ATP11A: variants seen among roughly 807,000 people sequenced by gnomAD.
ATP11A encodes the protein phospholipid-transporting ATPase IH.
A neutral mutation model predicts 154.4 loss-of-function variants in ATP11A; 81 were observed. That is an observed-to-expected ratio of 0.52 (90% CI 0.44 to 0.63). The LOEUF is 0.63. Ranked by LOEUF, ATP11A falls within the 30% of genes least tolerant of loss-of-function variation. The probability of loss-of-function intolerance (pLI) is 0.00; values close to 1 mark genes in which losing one functional copy is unlikely to be tolerated. For synonymous variants in ATP11A, 623 were observed against 585.9 expected (o/e 1.06, Z -0.91); for missense variants, 1,316 against 1,474.3 (o/e 0.89, Z 1.76).
chr13:112,862,194 C>T (rs2080129108), intron 24 of ATP11A, among the ~76,000 whole-genome samples: 1 of 152,196 alleles, frequency 6.6e-6, no homozygotes, highest in Non-Finnish European at 1.5e-5. Context: ...GTGCCTATGA[C>T]GATATTGCAG....
At chr13:112,717,002 CA>C (rs1232282716) in intron 1 of ATP11A, among the ~76,000 whole-genome samples, 4 of 152,194 alleles carry the variant, frequency 2.6e-5, no homozygotes, top group African/African-American at 7.2e-5. Context: ...CACTGGCCTG[CA>C]GGGCCCATAG....
At chr13:112,768,322 G>A (rs377706304) in intron 1 of ATP11A, among the ~76,000 whole-genome samples, 173 of 152,322 alleles carry the variant, frequency 1.1e-3, no homozygotes, top group Middle Eastern at 6.8e-3. Flanking sequence ...AGTTGGCGTC[G>A]GCCACTGGCT....
At chr13:112,836,459 G>A (rs2079237536) in intron 16 of ATP11A, among the ~76,000 whole-genome samples, 1 of 152,132 alleles carries the variant, frequency 6.6e-6, no homozygotes, top group Non-Finnish European at 1.5e-5. Context: ...GGAGTCCTGG[G>A]CTAAACATCC....
chr13:112,690,451 G>T lies in ATP11A; in HGVS notation c.35G>T (p.Arg12Ile). The change falls in exon 1 of 30, where the codon AGA becomes ATA. Residue 12 changes from arginine (R) to isoleucine (I), a missense_variant. Transcript: ENST00000375645. The surrounding 1 kb of genome is among the most constrained non-coding windows in gnomAD (Gnocchi z 5.6). ...DCSLVRTLVH[R>I]YCAGEENWVD... ...AGCCTCGTGCGGACGCTCGTGCACA[G>T]ATACGTGAGTGCTCCCGGCGCGGGC... The T allele has an allele frequency of 7.4e-7, 1 of 1,355,326 alleles. No homozygotes were observed. 84.0% of individuals were successfully genotyped at this position (1,355,326 alleles called of 1,614,324 possible).
chr13:112,857,447 G>A (rs2079962159), intron 20 of ATP11A, among the ~76,000 whole-genome samples: 1 of 152,140 alleles, frequency 6.6e-6, no homozygotes, highest in Admixed American at 6.5e-5. Context: ...ATTTGCCCCT[G>A]TATATTTAAA....
intron 1 of ATP11A, among the ~76,000 whole-genome samples, chr13:112,755,691 C>T (rs2076806775): frequency 6.7e-6 from 1 of 150,124 alleles, no homozygotes; most frequent in Admixed American, 6.6e-5. Flanking sequence ...GAACCATTTC[C>T]GGTCACGGAA....
At chr13:112,709,391 G>A (rs567328502) in intron 1 of ATP11A, among the ~76,000 whole-genome samples, 2 of 152,180 alleles carry the variant, frequency 1.3e-5, no homozygotes, top group Non-Finnish European at 2.9e-5. Flanking sequence ...TCCACATTCT[G>A]TAGAGAATCC....
intron 1 of ATP11A, among the ~76,000 whole-genome samples, chr13:112,693,878 G>T (rs981466326): frequency 1.3e-5 from 2 of 152,208 alleles, no homozygotes; most frequent in Non-Finnish European, 2.9e-5. Context: ...CTTGAGCACA[G>T]AAGGCGGAGG....
At chr13:112,842,902 C>T (rs576173271) in intron 17 of ATP11A, among the ~76,000 whole-genome samples, 28 of 152,384 alleles carry the variant, frequency 1.8e-4, no homozygotes, top group South Asian at 4.1e-4. Flanking sequence ...CCTCCCACTC[C>T]GTGGGTCCGG....
chr13:112,823,084 T>C (rs529472650), intron 8 of ATP11A, among the ~76,000 whole-genome samples: 1 of 152,326 alleles, frequency 6.6e-6, no homozygotes, highest in East Asian at 1.9e-4. Context: ...GGATGGGGCC[T>C]GAGGTCCCGC....
chr13:112,698,099 A>G (rs1303854899), intron 1 of ATP11A, among the ~76,000 whole-genome samples: 1 of 152,112 alleles, frequency 6.6e-6, no homozygotes, highest in African/African-American at 2.4e-5. Flanking sequence ...AGCAGCCTCG[A>G]TACAATTTGA....
At chr13:112,731,097 G>T (rs1023981584) in intron 1 of ATP11A, among the ~76,000 whole-genome samples, 1 of 152,010 alleles carries the variant, frequency 6.6e-6, no homozygotes, top group Non-Finnish European at 1.5e-5. Context: ...ACCACGCCCA[G>T]ATAATTTTTG....
At chr13:112,856,348 TAAA>T (rs34662024) in intron 20 of ATP11A, 239 of 175,554 alleles carry the variant, frequency 1.4e-3, no homozygotes, top group East Asian at 2.8e-3. Flanking sequence ...TGACTTCTGT[TAAA>T]AAAAAAAAAA....
At position 112,859,209 on chromosome 13, in the gene ATP11A, GGTCACATGTGCATTTCA is replaced by G; in HGVS notation, c.2668-181_2668-165del. 1 of 619,950 alleles carries G rather than the reference GGTCACATGTGCATTTCA, an allele frequency of 1.6e-6. No individual in the cohort carries two copies. Among genetic ancestry groups the G allele is most frequent in the East Asian group, 2.7e-5 (1 of 36,540 alleles). The allele number at this position is 619,950 out of a possible 1,614,324, so 38.4% of individuals were successfully genotyped here. On this transcript the variant is annotated intron_variant, in intron 22 of 29. Transcript: ENST00000375645. This position sits in a 1 kb window ranked among gnomAD's most constrained non-coding sequence, Gnocchi z 4.3. Reference sequence around the variant, plus strand: ...TGTCTGTCCTGAGTGGCCAAAACGTGGTCACATGTGCATTTCAGTTGCCCCTGAAATAAGAGAAAGCT... The same window carrying G: ...TGTCTGTCCTGAGTGGCCAAAACGTGGTTGCCCCTGAAATAAGAGAAAGCT...
chr13:112,721,697 G>A (rs1022401475), intron 1 of ATP11A, among the ~76,000 whole-genome samples: 4 of 152,248 alleles, frequency 2.6e-5, no homozygotes, highest in Non-Finnish European at 5.9e-5. Flanking sequence ...TCTCCTCCAC[G>A]GCTGGGCTTC....
At position 112,817,708 on chromosome 13, in the gene ATP11A, C is replaced by T. The variant is rs552460613; in HGVS notation, c.570+1497C>T. Among the ~76,000 whole-genome samples, 187 of 152,334 alleles carry T rather than the reference C, an allele frequency of 1.2e-3. 1 individual carries two copies. Among genetic ancestry groups the T allele is most frequent in the African/African-American group, 3.6e-3 (150 of 41,578 alleles). Reference sequence around the variant, plus strand: ...GGGTCTCCAGATACACCATGTTTGTCCAGATGAAATGTTGTAGCAGTTGTG... The same window carrying T: ...GGGTCTCCAGATACACCATGTTTGTTCAGATGAAATGTTGTAGCAGTTGTG... On this transcript the variant is annotated intron_variant, in intron 6 of 29. Coordinates refer to ENST00000375645, the MANE Select transcript of ATP11A (RefSeq NM_015205.3).
intron 1 of ATP11A, among the ~76,000 whole-genome samples, chr13:112,695,187 A>G (rs1885658823): frequency 6.6e-6 from 1 of 152,254 alleles, no homozygotes; most frequent in Non-Finnish European, 1.5e-5. Context: ...CCACAGGAGC[A>G]CTAAGTTAAG....
intron 24 of ATP11A, among the ~76,000 whole-genome samples, chr13:112,862,089 AG>A (rs1365547124): frequency 6.6e-6 from 1 of 152,234 alleles, no homozygotes; most frequent in Non-Finnish European, 1.5e-5. Context: ...GCGTCACGTC[AG>A]GCGTAAGGTG....
chr13:112,751,730 TC>T (rs35952236), intron 1 of ATP11A, among the ~76,000 whole-genome samples: 33,918 of 143,468 alleles, frequency 0.24, 5,092 homozygotes, highest in African/African-American at 0.43. Context: ...CTGCAGATAA[TC>T]CCCCCCCCCT....
Sources: gnomAD v4.1 joint callset for allele counts (sites outside exome capture counted in the v4.1 genomes callset) on GRCh38, gnomAD v4.1.1 for gene constraint, Gnocchi (gnomAD v3.1) non-coding constraint, MANE v1.5 for transcripts, NCBI Gene and HGNC (gene_info 2026-07-23, HGNC 2026-07-21) for gene names.